The following PXYLP1 variants were observed in gnomAD, a reference collection of about 807,000 sequenced individuals.
PXYLP1 encodes the protein 2-phosphoxylose phosphatase 1, also known as acid phosphatase-like 2.
Under a neutral mutation model 37.9 loss-of-function variants are expected in PXYLP1, and 17 were observed. The ratio of observed to expected loss-of-function variants is 0.45; its 90% CI spans 0.31 to 0.67. PXYLP1 has a LOEUF of 0.67. Ranked by LOEUF, PXYLP1 falls within the 30% of genes least tolerant of loss-of-function variation. The probability of loss-of-function intolerance (pLI) is 0.07; values close to 1 mark genes in which losing one functional copy is unlikely to be tolerated. For missense variants in PXYLP1, 511 were observed against 612.0 expected (o/e 0.84, Z 1.74); for synonymous variants, 221 against 232.2 (o/e 0.95, Z 0.44).
chr3:141,245,685 A>G (rs915236887), intron 1 of PXYLP1, among the ~76,000 whole-genome samples: 9 of 152,264 alleles, frequency 5.9e-5, no homozygotes. Context: ...GAGAATTGGC[A>G]CAAGGAGTGT....
intron 2 of PXYLP1, chr3:141,274,672 T>C (rs1056741445): frequency 8.4e-6 from 6 of 712,720 alleles, no homozygotes. Flanking sequence ...GATATAAATG[T>C]GAAAGACGCA....
intron 4 of PXYLP1, among the ~76,000 whole-genome samples, chr3:141,285,016 G>A (rs1942037903): frequency 6.6e-6 from 1 of 152,190 alleles, no homozygotes; most frequent in Non-Finnish European, 1.5e-5. Context: ...CTCCAGGGAT[G>A]GAGCAGTGGA....
intron 2 of PXYLP1, among the ~76,000 whole-genome samples, chr3:141,270,840 C>T (rs1941644851): frequency 6.6e-6 from 1 of 152,084 alleles, no homozygotes; most frequent in Non-Finnish European, 1.5e-5. Context: ...TAAGAGCCTG[C>T]AGGAAACAGG....
intron 2 of PXYLP1, among the ~76,000 whole-genome samples, chr3:141,260,613 T>C (rs1026153679): frequency 6.6e-6 from 1 of 152,162 alleles, no homozygotes; most frequent in African/African-American, 2.4e-5. Flanking sequence ...TGTTTAGCCT[T>C]CAGTCAGCCG....
At chr3:141,260,801 A>T (rs1464629999) in intron 2 of PXYLP1, among the ~76,000 whole-genome samples, 2 of 152,228 alleles carry the variant, frequency 1.3e-5, no homozygotes, top group Non-Finnish European at 2.9e-5. Context: ...GGCTCAGGCC[A>T]GGCCCCAAAT....
chr3:141,288,394 A>G (rs1022527717), intron 5 of PXYLP1, among the ~76,000 whole-genome samples: 1 of 152,194 alleles, frequency 6.6e-6, no homozygotes, highest in Admixed American at 6.5e-5. Context: ...TATTGGGGAA[A>G]TGATATTGGA....
chr3:141,286,941 G>C (rs1942088026), intron 4 of PXYLP1, among the ~76,000 whole-genome samples: 1 of 152,218 alleles, frequency 6.6e-6, no homozygotes, highest in Admixed American at 6.5e-5. Context: ...CATGTGCAGG[G>C]GCAGGGAATG....
chr3:141,265,449 G>A (rs565482801), intron 2 of PXYLP1, among the ~76,000 whole-genome samples: 46 of 151,826 alleles, frequency 3.0e-4, no homozygotes, highest in Non-Finnish European at 6.2e-4. Context: ...TGAGTCTAAT[G>A]CACACAAAAT....
At chr3:141,257,465 G>T (rs2148740754) in intron 1 of PXYLP1, among the ~76,000 whole-genome samples, 1 of 152,282 alleles carries the variant, frequency 6.6e-6, no homozygotes, top group South Asian at 2.1e-4. Context: ...GACCGGGTAA[G>T]CCCATGGATA....
chr3:141,276,764 CCCCA>C (rs1318632650), intron 2 of PXYLP1, among the ~76,000 whole-genome samples: 1 of 152,186 alleles, frequency 6.6e-6, no homozygotes, highest in East Asian at 1.9e-4. Context: ...TTTCCACCCT[CCCCA>C]TGATGTTTGG....
chr3:141,266,775 C>G (rs1941526931), intron 2 of PXYLP1, among the ~76,000 whole-genome samples: 2 of 151,100 alleles, frequency 1.3e-5, no homozygotes. Flanking sequence ...ACTCTTCTAC[C>G]TGCAGAGCTA....
In PXYLP1 at chr3:141,278,943, T is replaced by C. The variant is rs191454789; in HGVS notation, c.239-435T>C. Among the ~76,000 whole-genome samples, 733 of 152,328 alleles carry C rather than the reference T, an allele frequency of 4.8e-3. 4 individuals are homozygous for C. Among genetic ancestry groups the C allele is most frequent in the African/African-American group, 0.017 (711 of 41,568 alleles). ...GAGGCAATTTCTACAAGTTTTGCTT[T>C]TGTAAAAGTGTATCAGAGCATAGTG... is the stretch of plus-strand genomic sequence containing the variant. On this transcript the variant is annotated intron_variant, in intron 3 of 5. Coordinates refer to ENST00000286353, the MANE Select transcript of PXYLP1 (RefSeq NM_001037172.3).
intron 1 of PXYLP1, among the ~76,000 whole-genome samples, chr3:141,245,066 T>TC (rs1940905963): frequency 3.0e-5 from 4 of 134,738 alleles, no homozygotes; most frequent in Non-Finnish European, 6.3e-5. Flanking sequence ...TTTTTTTTTT[T>TC]TGAGACAGAG....
chr3:141,289,001 C>T (rs1200804989), intron 5 of PXYLP1, among the ~76,000 whole-genome samples: 1 of 152,190 alleles, frequency 6.6e-6, no homozygotes, highest in African/African-American at 2.4e-5. Flanking sequence ...AATTTACTAC[C>T]TAATTATATG....
At chr3:141,259,242 A>T (rs888837478) in intron 1 of PXYLP1, among the ~76,000 whole-genome samples, 2 of 152,242 alleles carry the variant, frequency 1.3e-5, no homozygotes, top group African/African-American at 4.8e-5. Flanking sequence ...AAAAGATTCA[A>T]GTTTGAAATT....
chr3:141,276,183 A>C (rs2148807257), intron 2 of PXYLP1, among the ~76,000 whole-genome samples: 1 of 152,342 alleles, frequency 6.6e-6, no homozygotes, highest in South Asian at 2.1e-4. Flanking sequence ...CTATGACAAA[A>C]TTGCCTAAGG....
chr3:141,246,782 T>C (rs1167635147), intron 1 of PXYLP1, among the ~76,000 whole-genome samples: 2 of 152,236 alleles, frequency 1.3e-5, no homozygotes, highest in African/African-American at 4.8e-5. Flanking sequence ...ATTCCCAAAC[T>C]TGGTGCCTTA....
intron 1 of PXYLP1, among the ~76,000 whole-genome samples, chr3:141,237,083 G>A (rs866457992): frequency 6.6e-5 from 10 of 152,158 alleles, no homozygotes; most frequent in African/African-American, 2.4e-4. Flanking sequence ...ACCTTGGGAT[G>A]GTTAAAAGGC....
intron 1 of PXYLP1, among the ~76,000 whole-genome samples, chr3:141,240,588 A>G (rs6439988): frequency 0.59 from 89,908 of 151,774 alleles, 27,371 homozygotes; most frequent in South Asian, 0.82. Flanking sequence ...TGGTCCAGCC[A>G]CATGCCCAGG....
Sources: allele counts gnomAD v4.1 joint callset (sites outside exome capture counted in the v4.1 genomes callset), GRCh38; gene constraint gnomAD v4.1.1; transcripts MANE v1.5; gene names NCBI Gene and HGNC (gene_info 2026-07-23, HGNC 2026-07-21).